The following SGCZ variants were observed in gnomAD, a reference collection of about 807,000 sequenced individuals.
SGCZ encodes the protein sarcoglycan zeta.
Under a neutral mutation model 41.3 loss-of-function variants are expected in SGCZ, and 40 were observed. The ratio of observed to expected loss-of-function variants is 0.97; its 90% CI spans 0.75 to 1.26. SGCZ has a LOEUF of 1.26. Ranked by LOEUF, SGCZ falls within the 50% of genes most tolerant of loss-of-function variation. SGCZ has a pLI of 0.00. For missense variants in SGCZ, 552 were observed against 369.8 expected (o/e 1.49, Z -4.04); for synonymous variants, 206 against 137.5 (o/e 1.50, Z -3.49).
chr8:15,112,409 A>G (rs939815429), intron 1 of SGCZ, among the ~76,000 whole-genome samples: 3 of 152,204 alleles, frequency 2.0e-5, no homozygotes, highest in Non-Finnish European at 4.4e-5. Flanking sequence ...CCTGCTTCAG[A>G]TATTGCTTCT....
chr8:15,160,690 G>C (rs1021468032), intron 1 of SGCZ, among the ~76,000 whole-genome samples: 2 of 152,096 alleles, frequency 1.3e-5, no homozygotes, highest in African/African-American at 2.4e-5. Context: ...TGTTCAGTAG[G>C]CATATGAGAC....
intron 2 of SGCZ, among the ~76,000 whole-genome samples, chr8:14,417,986 T>C (rs1037703528): frequency 6.6e-6 from 1 of 151,854 alleles, no homozygotes; most frequent in Non-Finnish European, 1.5e-5. Context: ...TCTTTCTTCC[T>C]GGTCCTGATA....
chr8:15,151,891 G>T (rs1283000139), intron 1 of SGCZ, among the ~76,000 whole-genome samples: 1 of 152,086 alleles, frequency 6.6e-6, no homozygotes, highest in African/African-American at 2.4e-5. Context: ...TCTAATAAAA[G>T]CATTTGAAGC....
chr8:14,502,948 T>A (rs114356892), intron 2 of SGCZ, among the ~76,000 whole-genome samples: 2,884 of 152,298 alleles, frequency 0.019, 99 homozygotes, highest in African/African-American at 0.065. Context: ...TTACTGGGTA[T>A]GTATTCAAGG....
intron 4 of SGCZ, among the ~76,000 whole-genome samples, chr8:14,194,662 C>T (rs1805209007): frequency 1.3e-5 from 2 of 151,882 alleles, no homozygotes; most frequent in Admixed American, 1.3e-4. Flanking sequence ...TCATCTGAAA[C>T]AGGAACAAAA....
At chr8:14,983,709 G>T (rs1801743750) in intron 1 of SGCZ, among the ~76,000 whole-genome samples, 1 of 152,094 alleles carries the variant, frequency 6.6e-6, no homozygotes, top group Non-Finnish European at 1.5e-5. Context: ...CATTTTTACA[G>T]ATGATGAAGT....
At position 14,163,985 on chromosome 8, in the gene SGCZ, T is replaced by C. The variant is rs533511030; in HGVS notation, c.547+595A>G. On this transcript the variant is annotated intron_variant, in intron 5 of 7. Transcript: ENST00000382080. ...TCAGAAGAGATTGTGCTTAAAATTG[T>C]CATCAAATTATTCCCCAATCCTGGT... 3.3e-5 allele frequency among the ~76,000 whole-genome samples: 5 copies of C among 152,336 alleles called. No individual in the cohort carries two copies. In the East Asian group the frequency reaches 9.6e-4, roughly 29 times the overall value.
chr8:15,235,133 C>G (rs1387532718), intron 1 of SGCZ, among the ~76,000 whole-genome samples: 1 of 152,154 alleles, frequency 6.6e-6, no homozygotes, highest in East Asian at 1.9e-4. Context: ...CAGCAAGAAG[C>G]CACCAGAGAC....
At chr8:14,405,581 G>C (rs1437419531) in intron 2 of SGCZ, among the ~76,000 whole-genome samples, 2 of 148,808 alleles carry the variant, frequency 1.3e-5, no homozygotes, top group African/African-American at 5.2e-5. Flanking sequence ...CCTATGTTGT[G>C]GCTGATTTTT....
intron 1 of SGCZ, among the ~76,000 whole-genome samples, chr8:14,704,170 C>T (rs1473962368): frequency 2.0e-5 from 3 of 151,900 alleles, no homozygotes; most frequent in Non-Finnish European, 2.9e-5. Context: ...AGTTCATGGT[C>T]GTACAGCTAT....
chr8:14,239,901 CAAAAAAAAAAA>C (rs71209029), intron 3 of SGCZ, among the ~76,000 whole-genome samples: 2 of 41,362 alleles, frequency 4.8e-5, no homozygotes, highest in Admixed American at 3.2e-4. Flanking sequence ...GACTCCGTCT[CAAAAAAAAAAA>C]AAAAAAAAAA....
intron 2 of SGCZ, among the ~76,000 whole-genome samples, chr8:14,544,949 C>T (rs1803579325): frequency 6.6e-6 from 1 of 152,034 alleles, no homozygotes; most frequent in Non-Finnish European, 1.5e-5. Context: ...GATCTTTGTA[C>T]CTACTCCCCG....
At chr8:15,042,018 C>G (rs559387273) in intron 1 of SGCZ, among the ~76,000 whole-genome samples, 1 of 152,106 alleles carries the variant, frequency 6.6e-6, no homozygotes, top group Admixed American at 6.5e-5. Context: ...TATGTATATT[C>G]TTTGGGTTTA....
At chr8:15,015,242 TA>T (rs560507444) in intron 1 of SGCZ, among the ~76,000 whole-genome samples, 127 of 142,904 alleles carry the variant, frequency 8.9e-4, no homozygotes, top group Middle Eastern at 3.9e-3. Flanking sequence ...GACTCCATCT[TA>T]AAAAAAAAAA....
Position 14,342,433 on chromosome 8 carries a change from C to A in SGCZ, c.235-18229G>T, listed in dbSNP as rs532842687. On this transcript the variant is annotated intron_variant, in intron 2 of 7. Coordinates refer to ENST00000382080, the MANE Select transcript of SGCZ (RefSeq NM_139167.4). ...CCGGGTTCATGCCATTCTCCTGCCTCAGCCTCCCAGTAGCTGGGACTACAG... is the reference window on the plus strand; with the variant it reads ...CCGGGTTCATGCCATTCTCCTGCCTAAGCCTCCCAGTAGCTGGGACTACAG... Among the ~76,000 whole-genome samples the A allele has an allele frequency of 3.9e-5, 6 of 152,258 alleles. No individual in the cohort carries two copies. The South Asian group carries it at 8.3e-4, about 21-fold the overall frequency.
chr8:15,006,703 T>A (rs778097806), intron 1 of SGCZ, among the ~76,000 whole-genome samples: 10 of 152,244 alleles, frequency 6.6e-5, no homozygotes, highest in Non-Finnish European at 8.8e-5. Flanking sequence ...TGTCAAAAGA[T>A]TAATTAGACT....
At position 14,311,095 on chromosome 8, in the gene SGCZ, A is replaced by G. The variant is rs375784437; in HGVS notation, c.336+13008T>C. ...ATAAATAATTTTTTTTCTTACAAAC[A>G]TCAAGTGATTTTGAATTCCAATCCA... On this transcript the variant is annotated intron_variant, in intron 3 of 7. Coordinates refer to ENST00000382080, the MANE Select transcript of SGCZ (RefSeq NM_139167.4). 7.2e-5 allele frequency among the ~76,000 whole-genome samples: 11 copies of G among 152,250 alleles called. No homozygotes were observed. The East Asian group carries it at 2.1e-3, about 29-fold the overall frequency.
chr8:14,223,527 T>C (rs1017448068), intron 4 of SGCZ, among the ~76,000 whole-genome samples: 19 of 137,004 alleles, frequency 1.4e-4, no homozygotes, highest in African/African-American at 5.0e-4. Context: ...AACAGTCACA[T>C]CTAGACCAAT....
At chr8:14,527,812 T>C (rs536156924) in intron 2 of SGCZ, among the ~76,000 whole-genome samples, 4 of 152,196 alleles carry the variant, frequency 2.6e-5, no homozygotes, top group East Asian at 3.9e-4. Context: ...GTAACCCATG[T>C]CCATAACAAT....
Sources: allele counts gnomAD v4.1 joint callset (sites outside exome capture counted in the v4.1 genomes callset), GRCh38; gene constraint gnomAD v4.1.1; transcripts MANE v1.5; gene names NCBI Gene and HGNC (gene_info 2026-07-23, HGNC 2026-07-21).